The following MAD1L1 variants were observed in gnomAD, a reference collection of about 807,000 sequenced individuals.
MAD1L1 encodes mitotic arrest deficient 1 like 1, also known as mitotic spindle assembly checkpoint protein MAD1.
A neutral mutation model predicts 96.9 loss-of-function variants in MAD1L1; 95 were observed. The observed-to-expected ratio is 0.98, with a 90% CI of 0.83 to 1.16. MAD1L1 has a LOEUF of 1.16. Among genes scored for constraint, MAD1L1 ranks in the 50% most tolerant of loss-of-function variants. The pLI is 0.00. For missense variants in MAD1L1, 1,007 were observed against 954.4 expected (o/e 1.06, Z -0.73); for synonymous variants, 473 against 396.6 (o/e 1.19, Z -2.29).
chr7:2,025,420 G>A (rs1203408709), intron 12 of MAD1L1, among the ~76,000 whole-genome samples: 1 of 152,188 alleles, frequency 6.6e-6, no homozygotes, highest in Non-Finnish European at 1.5e-5. Context: ...GGATAGGACA[G>A]GCATTGATAA....
At chr7:1,855,648 T>G (rs1396380662) in intron 18 of MAD1L1, among the ~76,000 whole-genome samples, 2 of 151,998 alleles carry the variant, frequency 1.3e-5, no homozygotes, top group Non-Finnish European at 2.9e-5. Context: ...CTCCTAAGAT[T>G]CTGGGAGCAT....
intron 18 of MAD1L1, among the ~76,000 whole-genome samples, chr7:1,826,494 G>A (rs1277661601): frequency 2.6e-5 from 4 of 152,124 alleles, no homozygotes; most frequent in African/African-American, 4.8e-5. Context: ...TCAGCTCCGC[G>A]GAGCTCCTGG....
At chr7:1,922,170 T>C (rs535404422) in intron 17 of MAD1L1, among the ~76,000 whole-genome samples, 4 of 152,268 alleles carry the variant, frequency 2.6e-5, no homozygotes, top group African/African-American at 7.2e-5. Flanking sequence ...ACCACTAGCA[T>C]CACCAGCCCA....
chr7:2,069,346 G>A lies in MAD1L1; in HGVS notation c.1074-8C>T, dbSNP rs760943973. 9.5e-6 allele frequency: 15 copies of A among 1,581,936 alleles called. No homozygotes were observed. Among genetic ancestry groups the A allele is most frequent in the Non-Finnish European group, 1.2e-5 (14 of 1,169,366 alleles). On this transcript the variant is annotated splice_polypyrimidine_tract_variant and splice_region_variant and intron_variant, in intron 11 of 18. Transcript: ENST00000265854. ...TTCTCCAGCCCCCGGGCGCTGCATG[G>A]GAGAGACAAGAGGGCAAAGCAATGA...
At chr7:2,048,456 G>A (rs1272064629) in intron 12 of MAD1L1, among the ~76,000 whole-genome samples, 3 of 152,242 alleles carry the variant, frequency 2.0e-5, no homozygotes, top group African/African-American at 7.2e-5. Context: ...TTACTCTGAC[G>A]AATGCCAGCA....
chr7:1,944,947 C>T (rs1779160713), intron 16 of MAD1L1, among the ~76,000 whole-genome samples: 1 of 152,230 alleles, frequency 6.6e-6, no homozygotes, highest in Non-Finnish European at 1.5e-5. Flanking sequence ...TTGGCAGCCC[C>T]TGCAAGTGCA....
Position 1,934,835 on chromosome 7 carries a change from C to A in MAD1L1, c.1807+1852G>T, listed in dbSNP as rs372201858. On this transcript the variant is annotated intron_variant, in intron 17 of 18. Transcript: ENST00000265854. ...CAGGGGAACAAACAGATGGGCAAAC[C>A]CGAGACAGGCAGAGACCCAGACAAC... Among the ~76,000 whole-genome samples the A allele has an allele frequency of 1.6e-4, 24 of 151,714 alleles. No individual in the cohort carries two copies. In the East Asian group the frequency reaches 3.9e-3, roughly 25 times the overall value.
In MAD1L1 at chr7:2,027,005, A is replaced by T. The variant is rs186713223; in HGVS notation, c.1219-12363T>A. ...TAAACTCTTGATGAGACAGATTACA[A>T]AGAATAAGCAAATAACAATATTGAA... On this transcript the variant is annotated intron_variant, in intron 12 of 18. Coordinates refer to ENST00000265854, the MANE Select transcript of MAD1L1 (RefSeq NM_001013836.2). Among the ~76,000 whole-genome samples the T allele has an allele frequency of 1.0e-3, 155 of 152,298 alleles. 1 individual carries two copies. The highest frequency in any genetic ancestry group is 3.5e-3 in the African/African-American group (147 of 41,580).
intron 17 of MAD1L1, among the ~76,000 whole-genome samples, chr7:1,903,610 A>C (rs1367008200): frequency 3.6e-4 from 33 of 91,110 alleles, no homozygotes; most frequent in Middle Eastern, 8.8e-3. Context: ...CTATTGAAGA[A>C]GCTCTTGCAG....
intron 16 of MAD1L1, among the ~76,000 whole-genome samples, chr7:1,942,799 G>C (rs182638295): frequency 6.6e-6 from 1 of 152,132 alleles, no homozygotes; most frequent in East Asian, 1.9e-4. Context: ...AACTCACACG[G>C]AACTGCAGGG....
chr7:1,851,694 G>C (rs905540763), intron 18 of MAD1L1, among the ~76,000 whole-genome samples: 1 of 152,178 alleles, frequency 6.6e-6, no homozygotes, highest in Non-Finnish European at 1.5e-5. Context: ...GAAGGTGCTG[G>C]GGACACAGCC....
At chr7:2,019,624 TG>T (rs1782692505) in intron 12 of MAD1L1, among the ~76,000 whole-genome samples, 1 of 152,094 alleles carries the variant, frequency 6.6e-6, no homozygotes, top group Non-Finnish European at 1.5e-5. Flanking sequence ...CCACAGGGGT[TG>T]GGGGTGGGGG....
intron 10 of MAD1L1, among the ~76,000 whole-genome samples, chr7:2,162,500 G>A (rs1372249809): frequency 6.6e-6 from 1 of 151,042 alleles, no homozygotes; most frequent in Admixed American, 6.6e-5. Flanking sequence ...CTTTGTTCAC[G>A]TGTTTATCTG....
intron 4 of MAD1L1, among the ~76,000 whole-genome samples, chr7:2,224,457 G>A (rs1793774259): frequency 6.6e-6 from 1 of 152,304 alleles, no homozygotes; most frequent in South Asian, 2.1e-4. Flanking sequence ...CCCCACCCCA[G>A]CGGTGCCTCA....
rs1421367564 is a variant in MAD1L1, at chr7:1,968,688, G to T, written c.1506-10969C>A. 6.6e-6 allele frequency among the ~76,000 whole-genome samples: 1 copy of T among 152,250 alleles called. No homozygotes were observed. Among genetic ancestry groups the T allele is most frequent in the Admixed American group, 6.5e-5 (1 of 15,290 alleles). The stretch of plus-strand genomic sequence containing the variant: ...CAGGGGCTCCCTGATGGGACGTGGT[G>T]AGAAAGGACTTGTCGTCTGTGATCT... On this transcript the variant is annotated intron_variant, in intron 15 of 18. Transcript: ENST00000265854. This position sits in a 1 kb window ranked among gnomAD's most constrained non-coding sequence, Gnocchi z 5.6.
At chr7:2,206,726 T>C (rs1003072133) in intron 10 of MAD1L1, among the ~76,000 whole-genome samples, 1 of 152,262 alleles carries the variant, frequency 6.6e-6, no homozygotes, top group Non-Finnish European at 1.5e-5. Context: ...GTATAACTTG[T>C]TCTTTTTTGA....
At chr7:2,206,821 C>T (rs142998513) in intron 10 of MAD1L1, among the ~76,000 whole-genome samples, 11,091 of 151,838 alleles carry the variant, frequency 0.073, 750 homozygotes, top group African/African-American at 0.17. Context: ...GTGGCTCATG[C>T]CTGTAATCCC....
chr7:1,997,579 C>G (rs1033076416), intron 14 of MAD1L1, among the ~76,000 whole-genome samples: 1 of 152,284 alleles, frequency 6.6e-6, no homozygotes, highest in Non-Finnish European at 1.5e-5. Flanking sequence ...CAGGCTGTCC[C>G]GCAGCCCAGA....
chr7:2,150,359 C>A (rs558366842), intron 10 of MAD1L1, among the ~76,000 whole-genome samples: 19 of 152,290 alleles, frequency 1.2e-4, no homozygotes, highest in South Asian at 1.2e-3. Context: ...AAAACGCGCA[C>A]GCTGCAAACC....
Sources: gnomAD v4.1 joint callset for allele counts (sites outside exome capture counted in the v4.1 genomes callset) on GRCh38, gnomAD v4.1.1 for gene constraint, Gnocchi (gnomAD v3.1) non-coding constraint, MANE v1.5 for transcripts, NCBI Gene and HGNC (gene_info 2026-07-23, HGNC 2026-07-21) for gene names.